Variants in SSU72 observed in about 807,000 individuals in gnomAD.
SSU72 encodes the protein RNA polymerase II subunit A C-terminal domain phosphatase SSU72.
SSU72 carries 12 observed loss-of-function variants against 22.7 expected under a neutral mutation model. The observed-to-expected ratio is 0.53, with a 90% CI of 0.34 to 0.86. The LOEUF is 0.86. Among genes scored for constraint, SSU72 ranks in the 40% least tolerant of loss-of-function variants. The pLI is 0.02. For missense variants in SSU72, 151 were observed against 249.8 expected (o/e 0.60, Z 2.67); for synonymous variants, 116 against 98.3 (o/e 1.18, Z -1.06).
intron 2 of SSU72, among the ~76,000 whole-genome samples, chr1:1,551,567 A>G (rs1442521241): frequency 2.0e-5 from 3 of 152,058 alleles, no homozygotes; most frequent in African/African-American, 7.2e-5. Flanking sequence ...AGATTCCCAG[A>G]GCCCATCCCC....
At chr1:1,544,637 A>G (rs1487768028) in intron 3 of SSU72, 10 of 598,760 alleles carry the variant, frequency 1.7e-5, no homozygotes, top group Admixed American at 3.0e-5. Context: ...ACAAAAAAAC[A>G]CCAAGGAGAA....
rs1486108045 is a variant in SSU72, at chr1:1,542,525, C to A, written c.484-358G>T. Among the ~76,000 whole-genome samples, 2 of 152,178 alleles carry A rather than the reference C, an allele frequency of 1.3e-5. No homozygotes were observed. The highest frequency in any genetic ancestry group is 4.8e-5 in the African/African-American group (2 of 41,448). On this transcript the variant is annotated intron_variant, in intron 4 of 4. Coordinates refer to ENST00000291386, the MANE Select transcript of SSU72 (RefSeq NM_014188.3). This position sits in a 1 kb window ranked among gnomAD's most constrained non-coding sequence, Gnocchi z 4.4. The stretch of plus-strand genomic sequence containing the variant: ...ACCGCCAGCGCTTCCACACCACCAA[C>A]AAGCGAGCGGGGGCAGCCTGGTCAT...
In SSU72 at chr1:1,571,357, G is replaced by A. The variant is rs568201742; in HGVS notation, c.80+3121C>T. ...TTTGAAGGAGAATCGCTTCAACCTG[G>A]GATGCAGAGGTTGCAGTGAGCCAAG... On this transcript the variant is annotated intron_variant, in intron 1 of 4. Transcript: ENST00000291386. Among the ~76,000 whole-genome samples, 462 of 150,314 alleles carry A rather than the reference G, an allele frequency of 3.1e-3. 2 individuals carry two copies. Among genetic ancestry groups the A allele is most frequent in the African/African-American group, 0.011 (443 of 40,914 alleles).
intron 1 of SSU72, among the ~76,000 whole-genome samples, chr1:1,570,696 T>C (rs1642717839): frequency 6.6e-6 from 1 of 152,210 alleles, no homozygotes; most frequent in South Asian, 2.1e-4. Context: ...ATGTGAATAC[T>C]AACTATGGAG....
intron 2 of SSU72, among the ~76,000 whole-genome samples, chr1:1,547,130 G>C (rs535442228): frequency 6.6e-6 from 1 of 152,224 alleles, no homozygotes; most frequent in East Asian, 1.9e-4. Flanking sequence ...GAGAGGAACC[G>C]GGGTCAGGGT....
intron 2 of SSU72, 59 bp downstream of exon 2, chr1:1,564,714 G>GT (rs1642638169): frequency 3.7e-6 from 6 of 1,614,220 alleles, no homozygotes; most frequent in Non-Finnish European, 5.1e-6. Flanking sequence ...CGAGCCACAC[G>GT]TAACACCTTC....
In SSU72 at chr1:1,574,835, G is replaced by A. The variant is rs1421917684; in HGVS notation, c.-278C>T. Reference sequence around the variant, plus strand: ...CCCCCGGCGTCCGCAGCAGAGACCCGCACTCCACAAGGCCCGGCTGAGCGT... The same window carrying A: ...CCCCCGGCGTCCGCAGCAGAGACCCACACTCCACAAGGCCCGGCTGAGCGT... On this transcript the variant is annotated 5_prime_UTR_variant, in exon 1 of 5. Coordinates refer to ENST00000291386, the MANE Select transcript of SSU72 (RefSeq NM_014188.3). The A allele has an allele frequency of 5.9e-6, 2 of 340,086 alleles. No homozygotes were observed. The highest frequency in any genetic ancestry group is 4.4e-5 in the South Asian group (2 of 45,568). The allele number at this position is 340,086 out of a possible 1,614,324, so 21.1% of individuals were successfully genotyped here. A position where few individuals can be genotyped will look rare whatever the true frequency, so the allele number is the denominator to read the frequency against.
chr1:1,564,668 T>C (rs1642637453), intron 2 of SSU72, 105 bp downstream of exon 2: 1 of 1,614,044 alleles, frequency 6.2e-7, no homozygotes, highest in Non-Finnish European at 8.5e-7. Context: ...GAGGAGCCAG[T>C]GTGTGCACTG....
chr1:1,541,801 A>C lies in SSU72; in HGVS notation c.*265T>G, dbSNP rs2100701467. 2.1e-4 allele frequency: 87 copies of C among 422,550 alleles called. No individual in the cohort carries two copies. The highest frequency in any genetic ancestry group is 4.2e-4 in the East Asian group (8 of 19,180). 26.2% of individuals were successfully genotyped at this position (422,550 alleles called of 1,614,324 possible). On this transcript the variant is annotated 3_prime_UTR_variant, in exon 5 of 5. Transcript: ENST00000291386. Reference sequence around the variant, plus strand: ...ACACGAAGACACAGGTATGTCGGGAAGTGCACACAAACCGTTGTCTTTCCT... The same window carrying C: ...ACACGAAGACACAGGTATGTCGGGACGTGCACACAAACCGTTGTCTTTCCT...
chr1:1,551,917 T>C (rs935208205), intron 2 of SSU72, among the ~76,000 whole-genome samples: 8 of 152,068 alleles, frequency 5.3e-5, no homozygotes, highest in African/African-American at 9.7e-5. Flanking sequence ...TCAGATCCTG[T>C]CCATAATGCA....
At chr1:1,565,232 G>C (rs1407484100) in intron 1 of SSU72, among the ~76,000 whole-genome samples, 2 of 152,172 alleles carry the variant, frequency 1.3e-5, no homozygotes, top group Non-Finnish European at 2.9e-5. Context: ...AATTAGCCGG[G>C]CGCGGTGGCG....
intron 1 of SSU72, among the ~76,000 whole-genome samples, chr1:1,571,747 T>A (rs1005512913): frequency 2.6e-5 from 4 of 152,052 alleles, no homozygotes; most frequent in Non-Finnish European, 4.4e-5. Context: ...CTGGCATGTC[T>A]TTAAAGTAGC....
At chr1:1,552,811 A>G (rs1642469462) in intron 2 of SSU72, among the ~76,000 whole-genome samples, 1 of 152,148 alleles carries the variant, frequency 6.6e-6, no homozygotes, top group Admixed American at 6.5e-5. Flanking sequence ...ACTTGAGGTC[A>G]GGAGTTTGAG....
intron 2 of SSU72, chr1:1,562,249 GT>G (rs2100717334): frequency 8.1e-6 from 1 of 123,964 alleles, no homozygotes; most frequent in African/African-American, 4.1e-5. Flanking sequence ...GAGGATGTGC[GT>G]CACTCTCTGC....
chr1:1,572,338 G>A (rs1400186210), intron 1 of SSU72, among the ~76,000 whole-genome samples: 2 of 146,480 alleles, frequency 1.4e-5, no homozygotes, highest in African/African-American at 2.5e-5. Flanking sequence ...TGAGGCAGGA[G>A]AATAGTGTGA....
chr1:1,563,542 A>G (rs1342717628), intron 2 of SSU72: 1 of 149,904 alleles, frequency 6.7e-6, no homozygotes, highest in Non-Finnish European at 1.5e-5. Context: ...CATCTCAAAA[A>G]AAAAAAAAAA....
chr1:1,572,087 G>A lies in SSU72; in HGVS notation c.80+2391C>T, dbSNP rs539593253. Among the ~76,000 whole-genome samples the A allele has an allele frequency of 1.8e-4, 27 of 150,310 alleles. No individual in the cohort carries two copies. In the East Asian group the frequency reaches 5.3e-3, roughly 29 times the overall value. On this transcript the variant is annotated intron_variant, in intron 1 of 4. Coordinates refer to ENST00000291386, the MANE Select transcript of SSU72 (RefSeq NM_014188.3). The stretch of plus-strand genomic sequence containing the variant: ...TGGGATTACAGGCGTGAGCCACCGC[G>A]CCCAGCCCTAAATAGAATTTTTAAA...
At chr1:1,548,769 T>G (rs1279695293) in intron 2 of SSU72, among the ~76,000 whole-genome samples, 1 of 152,140 alleles carries the variant, frequency 6.6e-6, no homozygotes, top group Non-Finnish European at 1.5e-5. Flanking sequence ...GACTTTGGCG[T>G]AAACAGGAGG....
intron 2 of SSU72, among the ~76,000 whole-genome samples, chr1:1,553,570 T>C (rs1199073984): frequency 8.3e-5 from 12 of 144,436 alleles, no homozygotes; most frequent in Non-Finnish European, 1.5e-4. Flanking sequence ...GGTCAGGAGA[T>C]CGAGACCATC....
Sources: gnomAD v4.1 joint callset for allele counts (sites outside exome capture counted in the v4.1 genomes callset) on GRCh38, gnomAD v4.1.1 for gene constraint, Gnocchi (gnomAD v3.1) non-coding constraint, MANE v1.5 for transcripts, NCBI Gene and HGNC (gene_info 2026-07-23, HGNC 2026-07-21) for gene names.